DOCK2: variants seen among roughly 807,000 people sequenced by gnomAD.
The protein encoded by DOCK2 is dedicator of cytokinesis protein 2.
Under a neutral mutation model 248.9 loss-of-function variants are expected in DOCK2, and 87 were observed. The ratio of observed to expected loss-of-function variants is 0.35; its 90% confidence interval spans 0.29 to 0.42. The LOEUF (loss-of-function observed/expected upper bound fraction) is 0.42, where lower values mean the gene tolerates loss of function less well. Ranked by LOEUF, DOCK2 falls within the 10% of genes least tolerant of loss-of-function variation. DOCK2 has a pLI of 1.00. For missense variants in DOCK2, 1,747 were observed against 2,300.2 expected (o/e 0.76, Z 4.92); for synonymous variants, 805 against 821.6 (o/e 0.98, Z 0.35).
Position 170,034,553 on chromosome 5 carries a change from C to G in DOCK2, c.3622C>G (p.Leu1208Val). 6.2e-7 allele frequency: 1 copy of G among 1,614,008 alleles called. No individual in the cohort carries two copies. Among genetic ancestry groups the G allele is most frequent in the Non-Finnish European group, 8.5e-7 (1 of 1,179,940 alleles). Residue 1208 changes from leucine to valine, a missense_variant and splice_region_variant, in exon 35 of 52, where the codon CTG (leucine) becomes GTG (valine). By Grantham distance (32) the Leu-to-Val change is conservative. Transcript: ENST00000520908. ...DNRMSCTVNL[L>V]NFYKDNNREE... ...CCGCATGAGCTGCACCGTGAACCTG[C>G]TGGTGCGTGGGGCTGGCGGGTCCAA...
At position 170,077,784 on chromosome 5, in the gene DOCK2, T is replaced by G. The variant is rs1398018379; in HGVS notation, c.4941T>G (p.Ser1647=). 1 of 1,613,904 alleles carries G rather than the reference T, an allele frequency of 6.2e-7. No homozygotes were observed. Among genetic ancestry groups the G allele is most frequent in the Non-Finnish European group, 8.5e-7 (1 of 1,179,996 alleles). The part of the protein sequence containing the change: ...LRSYRQMSII[S]LASMNSDCST... ...CATACAGACAGATGTCCATCATCTCTCTGGCTTCCATGAATTCTGACTGCA... is the reference window on the plus strand; with the variant it reads ...CATACAGACAGATGTCCATCATCTCGCTGGCTTCCATGAATTCTGACTGCA... Residue 1647 remains serine, a synonymous_variant, in exon 48 of 52, where the codon TCT becomes TCG. Coordinates refer to ENST00000520908, the MANE Select transcript of DOCK2 (RefSeq NM_004946.3).
At chr5:169,879,127 C>T (rs1041823205) in intron 27 of DOCK2, among the ~76,000 whole-genome samples, 4 of 152,140 alleles carry the variant, frequency 2.6e-5, no homozygotes, top group South Asian at 2.1e-4. Flanking sequence ...CTTAGGAAAC[C>T]GTATGCATGG....
intron 1 of DOCK2, among the ~76,000 whole-genome samples, chr5:169,644,906 G>A (rs1757366069): frequency 6.6e-6 from 1 of 152,092 alleles, no homozygotes; most frequent in African/African-American, 2.4e-5. Context: ...TTGGTTTTCT[G>A]TTCCTGTGTT....
At chr5:169,751,579 G>C (rs1301403039) in intron 23 of DOCK2, among the ~76,000 whole-genome samples, 1 of 152,184 alleles carries the variant, frequency 6.6e-6, no homozygotes, top group Non-Finnish European at 1.5e-5. Context: ...ATTGTGAGTA[G>C]AGCAGATCTG....
At chr5:170,034,374 C>T in intron 34 of DOCK2, 25 bp from the exon 35 acceptor site, 1 of 1,613,140 alleles carries the variant, frequency 6.2e-7, no homozygotes. Flanking sequence ...GCCATGAGCT[C>T]ACTGCCCTCT....
chr5:169,852,210 C>T (rs1369902457), intron 27 of DOCK2, among the ~76,000 whole-genome samples: 1 of 152,184 alleles, frequency 6.6e-6, no homozygotes, highest in Non-Finnish European at 1.5e-5. Context: ...CGGTGCCTTT[C>T]AGCTTCTGTT....
At chr5:169,819,487 A>G (rs1215309481) in intron 26 of DOCK2, among the ~76,000 whole-genome samples, 1 of 152,106 alleles carries the variant, frequency 6.6e-6, no homozygotes, top group African/African-American at 2.4e-5. Flanking sequence ...TGGTCATGGT[A>G]GCATGCACCT....
At chr5:169,971,705 G>A (rs180737608) in intron 27 of DOCK2, among the ~76,000 whole-genome samples, 6 of 152,294 alleles carry the variant, frequency 3.9e-5, no homozygotes, top group East Asian at 1.9e-4. Context: ...TCAAGACCTC[G>A]TCAGCAGAGC....
At chr5:169,914,565 T>C (rs1049783013) in intron 27 of DOCK2, among the ~76,000 whole-genome samples, 9 of 152,356 alleles carry the variant, frequency 5.9e-5, no homozygotes, top group South Asian at 2.1e-4. Context: ...GAAATGGTTA[T>C]ATCTAATCTG....
At chr5:169,871,943 A>G (rs934103941) in intron 27 of DOCK2, among the ~76,000 whole-genome samples, 3 of 152,220 alleles carry the variant, frequency 2.0e-5, no homozygotes, top group African/African-American at 4.8e-5. Flanking sequence ...GGGGTCAGCA[A>G]TCTTGGGTCT....
intron 8 of DOCK2, among the ~76,000 whole-genome samples, chr5:169,688,702 G>A (rs1412614799): frequency 6.6e-6 from 1 of 152,118 alleles, no homozygotes; most frequent in East Asian, 1.9e-4. Flanking sequence ...TATAAATAGT[G>A]TTACAATGGC....
At chr5:170,045,333 C>T (rs1427777772) in intron 38 of DOCK2, among the ~76,000 whole-genome samples, 1 of 152,268 alleles carries the variant, frequency 6.6e-6, no homozygotes, top group Middle Eastern at 3.4e-3. Flanking sequence ...GGGCCAACAC[C>T]TCCCTGAGGA....
At chr5:169,731,592 T>A (rs1001826362) in intron 22 of DOCK2, among the ~76,000 whole-genome samples, 2 of 152,184 alleles carry the variant, frequency 1.3e-5, no homozygotes, top group Non-Finnish European at 2.9e-5. Flanking sequence ...CCCTTATTCC[T>A]CAAAGTAACA....
At chr5:169,824,067 A>T (rs1427331234) in intron 26 of DOCK2, among the ~76,000 whole-genome samples, 1 of 152,216 alleles carries the variant, frequency 6.6e-6, no homozygotes, top group Non-Finnish European at 1.5e-5. Flanking sequence ...CTTACAAGGG[A>T]TGTGAAGGAC....
In DOCK2 at chr5:169,754,920, A is replaced by ATTATTTATTTATTTATTTATTTATTTAT. The variant is rs144364050; in HGVS notation, c.2377-4778_2377-4751dup. On this transcript the variant is annotated intron_variant, in intron 23 of 51. Coordinates refer to ENST00000520908, the MANE Select transcript of DOCK2 (RefSeq NM_004946.3). ...TTTCCAATAATGGTTCCTATTTTTTATTATTTATTTATTTATTTATTTATT... is the reference window on the plus strand; with the variant it reads ...TTTCCAATAATGGTTCCTATTTTTTATTATTTATTTATTTATTTATTTATTTATTTATTTATTTATTTATTTATTTATT... Among the ~76,000 whole-genome samples the ATTATTTATTTATTTATTTATTTATTTAT allele has an allele frequency of 3.7e-4, 52 of 141,348 alleles. 1 individual carries two copies. The highest frequency in any genetic ancestry group is 9.1e-4 in the South Asian group (4 of 4,372). The allele number at this position is 141,348 out of a possible 152,430, so 92.7% of individuals were successfully genotyped here.
chr5:169,845,264 C>T (rs1274170035), intron 27 of DOCK2, among the ~76,000 whole-genome samples: 1 of 151,714 alleles, frequency 6.6e-6, no homozygotes, highest in Non-Finnish European at 1.5e-5. Context: ...ACTCCCTCCC[C>T]ACTTGGGCTG....
In DOCK2 at chr5:169,721,052, AG is replaced by A. The variant is rs2113571062; in HGVS notation, c.2267+2262del. Among the ~76,000 whole-genome samples the A allele has an allele frequency of 2.0e-5, 3 of 152,294 alleles. No individual in the cohort carries two copies. In the East Asian group the frequency reaches 5.8e-4, roughly 29 times the overall value. The stretch of plus-strand genomic sequence containing the variant: ...AACTCTCTCATGTCTTACGTCTGTT[AG>A]TTTTTGTGTTTTCCATCTACTGGGA... On this transcript the variant is annotated intron_variant, in intron 22 of 51. Coordinates refer to ENST00000520908, the MANE Select transcript of DOCK2 (RefSeq NM_004946.3).
rs753277627 is a variant in DOCK2 at position 170,008,643 on chromosome 5, A to G, written c.3174-45A>G. On this transcript the variant is annotated intron_variant, in intron 31 of 51. Transcript: ENST00000520908. Reference sequence around the variant, plus strand: ...TCCTGAAGAGGGGGAGGTCCATGAGATCCTCTGAGATGGTGCCTGAAGCAG... The same window carrying G: ...TCCTGAAGAGGGGGAGGTCCATGAGGTCCTCTGAGATGGTGCCTGAAGCAG... 6.2e-6 allele frequency: 10 copies of G among 1,614,022 alleles called. No homozygotes were observed. In the South Asian group the frequency reaches 9.9e-5, roughly 16 times the overall value.
At chr5:169,770,497 C>T (rs1765025587) in intron 25 of DOCK2, among the ~76,000 whole-genome samples, 1 of 151,900 alleles carries the variant, frequency 6.6e-6, no homozygotes, top group African/African-American at 2.4e-5. Flanking sequence ...ATAGGGTCTC[C>T]CTATATTCCC....
Sources: allele counts gnomAD v4.1 joint callset (sites outside exome capture counted in the v4.1 genomes callset), GRCh38; gene constraint gnomAD v4.1.1; transcripts MANE v1.5; gene names NCBI Gene and HGNC (gene_info 2026-07-23, HGNC 2026-07-21).